Variants in SNAP23 observed in about 807,000 individuals in gnomAD.
SNAP23 encodes synaptosomal-associated protein 23.
SNAP23 carries 11 observed loss-of-function variants against 29.0 expected under a neutral mutation model. That is an observed-to-expected ratio of 0.38 (90% CI 0.24 to 0.63). The LOEUF is 0.63. Among genes scored for constraint, SNAP23 ranks in the 20% least tolerant of loss-of-function variants. SNAP23 has a pLI of 0.58. For synonymous variants in SNAP23, 60 were observed against 82.9 expected, an observed-to-expected ratio of 0.72 and a Z score of 1.50; for missense variants, 220 against 253.9, an observed-to-expected ratio of 0.87 and a Z score of 0.91.
At chr15:42,511,769 A>G in intron 1 of SNAP23, 64 bp from the exon 2 acceptor site, 1 of 968,796 alleles carries the variant, frequency 1.0e-6, no homozygotes, top group Non-Finnish European at 1.5e-6. Context: ...CTTTTTGCTC[A>G]CACAAACTTT....
At chr15:42,496,209 A>G (rs922372905) in intron 1 of SNAP23, among the ~76,000 whole-genome samples, 9 of 152,056 alleles carry the variant, frequency 5.9e-5, no homozygotes, top group African/African-American at 1.9e-4. Context: ...TGGTGGGGGG[A>G]AAAAGTACTG....
At chr15:42,505,928 CT>C (rs1205382231) in intron 1 of SNAP23, among the ~76,000 whole-genome samples, 3 of 150,716 alleles carry the variant, frequency 2.0e-5, no homozygotes, top group African/African-American at 7.3e-5. Context: ...TCTTTCTTTT[CT>C]TTTCTTTTTT....
In SNAP23 at chr15:42,525,379, A is replaced by AC. The variant is rs1382450998; in HGVS notation, c.267-2883_267-2882insC. Among the ~76,000 whole-genome samples the AC allele has an allele frequency of 4.9e-3, 730 of 148,754 alleles. 8 individuals are homozygous for AC. Among genetic ancestry groups the AC allele is most frequent in the Non-Finnish European group, 7.7e-3 (520 of 67,484 alleles). ...CGAGACTCCGTCTCAAAAAAAAAAA[A>AC]AAAAATTCAAAGTCAGCTTTTTGTG... On this transcript the variant is annotated intron_variant, in intron 5 of 7. Coordinates refer to ENST00000249647, the MANE Select transcript of SNAP23 (RefSeq NM_003825.4).
upstream of SNAP23, among the ~76,000 whole-genome samples, chr15:42,493,168 C>T (rs1033138418): frequency 3.9e-5 from 6 of 151,928 alleles, no homozygotes; most frequent in South Asian, 4.1e-4. Flanking sequence ...ATGGTGAAAC[C>T]GTGTCTCTAC....
At position 42,529,751 on chromosome 15, in the gene SNAP23, G is replaced by A. The variant is rs1267987768; in HGVS notation, c.502G>A (p.Asp168Asn). 1 of 1,614,106 alleles carries A rather than the reference G, an allele frequency of 6.2e-7. No individual in the cohort carries two copies. Among genetic ancestry groups the A allele is most frequent in the Admixed American group, 1.7e-5 (1 of 60,000 alleles). Residue 168 changes from aspartate (D) to asparagine (N), a missense_variant, in exon 7 of 8, where the codon GAC becomes AAC. Physicochemically the swap from Asp to Asn is conservative, Grantham distance 23. Coordinates refer to ENST00000249647, the MANE Select transcript of SNAP23 (RefSeq NM_003825.4). ...QVGSILGNLK[D>N]MALNIGNEID... Reference sequence around the variant, plus strand: ...GGGCAGTATCCTGGGAAATCTAAAAGACATGGCCCTGAACATAGGCAATGA... The same window carrying A: ...GGGCAGTATCCTGGGAAATCTAAAAAACATGGCCCTGAACATAGGCAATGA...
chr15:42,520,045 CTT>C (rs201577060), intron 5 of SNAP23, among the ~76,000 whole-genome samples: 240 of 92,942 alleles, frequency 2.6e-3, no homozygotes, highest in African/African-American at 0.011. Flanking sequence ...AACCCCCTTG[CTT>C]TTTTTTTTTT....
At chr15:42,513,557 A>G (rs1478365979) in intron 4 of SNAP23, 110 bp downstream of exon 4, 3 of 810,850 alleles carry the variant, frequency 3.7e-6, no homozygotes, top group Admixed American at 2.0e-5. Flanking sequence ...CCTTTGTAAA[A>G]TAAGAATGTT....
chr15:42,509,440 C>CTTTTT (rs34486893), intron 1 of SNAP23, among the ~76,000 whole-genome samples: 1 of 134,012 alleles, frequency 7.5e-6, no homozygotes, highest in Non-Finnish European at 1.6e-5. Flanking sequence ...GGCTCAAAAT[C>CTTTTT]TTTTTTTTTT....
chr15:42,508,096 C>T (rs1350084089), intron 1 of SNAP23, among the ~76,000 whole-genome samples: 1 of 151,752 alleles, frequency 6.6e-6, no homozygotes, highest in African/African-American at 2.4e-5. Context: ...GAGACCCTGT[C>T]TCTATAAAAC....
upstream of SNAP23, chr15:42,492,666 G>A (rs1296366528): frequency 9.5e-6 from 1 of 104,988 alleles, no homozygotes; most frequent in Non-Finnish European, 1.7e-5. Context: ...GACAGAGCGA[G>A]ACTGCGTCTC....
intron 3 of SNAP23, 32 bp downstream of exon 3, chr15:42,513,028 A>G (rs745583134): frequency 7.5e-6 from 11 of 1,471,880 alleles, no homozygotes; most frequent in East Asian, 2.3e-5. Context: ...ACTTAAGTAT[A>G]GAAATTTATA....
intron 1 of SNAP23, 42 bp from the exon 2 acceptor site, chr15:42,511,791 A>G: frequency 1.6e-6 from 2 of 1,230,654 alleles, no homozygotes; most frequent in South Asian, 1.5e-5. Flanking sequence ...ATATATCCTT[A>G]TTCTTATACA....
chr15:42,492,460 A>G (rs1218863942), upstream of SNAP23, among the ~76,000 whole-genome samples: 1 of 151,872 alleles, frequency 6.6e-6, no homozygotes. Flanking sequence ...TGGGCAGATC[A>G]TGAGGTCCAG....
chr15:42,501,248 T>C (rs1280148353), intron 1 of SNAP23, among the ~76,000 whole-genome samples: 1 of 152,176 alleles, frequency 6.6e-6, no homozygotes, highest in Non-Finnish European at 1.5e-5. Flanking sequence ...CCTCCATACA[T>C]ACACACACAC....
intron 5 of SNAP23, among the ~76,000 whole-genome samples, chr15:42,520,075 A>C (rs1416352025): frequency 1.5e-5 from 2 of 129,080 alleles, no homozygotes; most frequent in East Asian, 4.4e-4. Context: ...TTTTTGAGAC[A>C]GAGTCTTGCT....
At chr15:42,497,399 G>C (rs2057230061) in intron 1 of SNAP23, among the ~76,000 whole-genome samples, 1 of 151,964 alleles carries the variant, frequency 6.6e-6, no homozygotes, top group African/African-American at 2.4e-5. Flanking sequence ...AGTAGAGATG[G>C]GGTTTTGCCA....
At chr15:42,501,802 T>C (rs1295978544) in intron 1 of SNAP23, among the ~76,000 whole-genome samples, 1 of 152,210 alleles carries the variant, frequency 6.6e-6, no homozygotes, top group Non-Finnish European at 1.5e-5. Context: ...AATACTGTGC[T>C]TGAATTAGCT....
chr15:42,500,685 C>A (rs1221862945), intron 1 of SNAP23, among the ~76,000 whole-genome samples: 2 of 151,156 alleles, frequency 1.3e-5, no homozygotes, highest in Non-Finnish European at 2.9e-5. Flanking sequence ...CCACCTCACC[C>A]GGCCAGGACT....
intron 5 of SNAP23, chr15:42,521,605 A>G: frequency 6.5e-7 from 1 of 1,532,410 alleles, no homozygotes; most frequent in Non-Finnish European, 8.7e-7. Flanking sequence ...CTGCTTACTA[A>G]AAATGAAGAT....
Sources: allele counts gnomAD v4.1 joint callset (sites outside exome capture counted in the v4.1 genomes callset), GRCh38; gene constraint gnomAD v4.1.1; transcripts MANE v1.5; gene names NCBI Gene and HGNC (gene_info 2026-07-23, HGNC 2026-07-21).